The following BICRAL variants were observed in gnomAD, a reference collection of about 807,000 sequenced individuals.
The protein encoded by BICRAL is BICRA like chromatin remodeling complex associated protein, also known as BRD4-interacting chromatin-remodeling complex-associated protein-like.
Under a neutral mutation model 91.8 loss-of-function variants are expected in BICRAL, and 8 were observed. The observed-to-expected ratio is 0.09, with a 90% CI of 0.05 to 0.16. BICRAL has a LOEUF of 0.16. Ranked by LOEUF, BICRAL falls within the 10% of genes least tolerant of loss-of-function variation. The probability of loss-of-function intolerance (pLI) is 1.00; values close to 1 mark genes in which losing one functional copy is unlikely to be tolerated. For missense variants in BICRAL, 1,038 were observed against 1,310.9 expected (o/e 0.79, Z 3.21); for synonymous variants, 445 against 491.1 (o/e 0.91, Z 1.24).
chr6:42,865,081 C>G lies in BICRAL; in HGVS notation c.2875C>G (p.Leu959Val). The change falls in exon 13 of 13, where the codon CTA (leucine) becomes GTA (valine). Residue 959 changes from leucine (L) to valine (V), a missense_variant. Around this residue, in one of 5 missense-constraint regions of BICRAL, gnomAD observed 92 missense variants for 147.8 expected, o/e 0.62. Coordinates refer to ENST00000314073, the MANE Select transcript of BICRAL (RefSeq NM_001393499.1). ...HGTESKLSSI[L>V]ADSHLEMTCN... ...TACTGAGAGCAAACTGTCAAGCATC[C>G]TAGCAGATTCGCACTTGGAGATGAC... is the stretch of plus-strand genomic sequence containing the variant. 1 of 1,614,148 alleles carries G rather than the reference C, an allele frequency of 6.2e-7. No individual in the cohort carries two copies. Among genetic ancestry groups the G allele is most frequent in the South Asian group, 1.1e-5 (1 of 91,080 alleles).
At chr6:42,776,988 T>C (rs2113851436) in intron 1 of BICRAL, among the ~76,000 whole-genome samples, 1 of 152,308 alleles carries the variant, frequency 6.6e-6, no homozygotes, top group South Asian at 2.1e-4. Flanking sequence ...TGCAAAAGCA[T>C]TGATTGTGAG....
chr6:42,809,431 T>A (rs913103808), intron 1 of BICRAL, among the ~76,000 whole-genome samples: 4 of 90,938 alleles, frequency 4.4e-5, no homozygotes, highest in Non-Finnish European at 7.6e-5. Context: ...ACTATGAGAA[T>A]TTTTTTTTTT....
In BICRAL at chr6:42,844,458, G is replaced by A. The variant is rs547522022; in HGVS notation, c.1840-7634G>A. 2.7e-4 allele frequency among the ~76,000 whole-genome samples: 36 copies of A among 133,502 alleles called. No individual in the cohort carries two copies. In the South Asian group the frequency reaches 7.9e-3, roughly 29 times the overall value. 87.6% of individuals were successfully genotyped at this position (133,502 alleles called of 152,430 possible). ...CGGGAGGCGGAGCTTGCAGTGAGCC[G>A]AGATCGCGCCACTGCACTCCAGCGT... On this transcript the variant is annotated intron_variant, in intron 6 of 12. Transcript: ENST00000314073.
chr6:42,817,963 T>C (rs1764043115), intron 2 of BICRAL, among the ~76,000 whole-genome samples: 1 of 106,074 alleles, frequency 9.4e-6, no homozygotes, highest in Non-Finnish European at 1.8e-5. Flanking sequence ...AGAGACCCTA[T>C]CTCTAAAAAA....
At chr6:42,838,414 C>A (rs1195053282) in intron 6 of BICRAL, among the ~76,000 whole-genome samples, 1 of 152,120 alleles carries the variant, frequency 6.6e-6, no homozygotes, top group Non-Finnish European at 1.5e-5. Context: ...TGGTTTGTCC[C>A]ATTCGTGGTG....
chr6:42,834,906 T>G (rs1764595833), intron 6 of BICRAL, among the ~76,000 whole-genome samples: 1 of 152,148 alleles, frequency 6.6e-6, no homozygotes, highest in Non-Finnish European at 1.5e-5. Context: ...GAAACCAAGA[T>G]CTAAGCATTA....
At chr6:42,831,644 A>C (rs542758169) in intron 6 of BICRAL, among the ~76,000 whole-genome samples, 1 of 151,684 alleles carries the variant, frequency 6.6e-6, no homozygotes, top group Admixed American at 6.6e-5. Context: ...GCCATACCCT[A>C]CTTTCGACCC....
At chr6:42,782,269 C>G (rs2113859259) in intron 1 of BICRAL, among the ~76,000 whole-genome samples, 168 bp downstream of exon 1, 1 of 145,080 alleles carries the variant, frequency 6.9e-6, no homozygotes, top group Admixed American at 7.0e-5. Flanking sequence ...AATTAAACAC[C>G]GAGTTGCCAA....
intron 1 of BICRAL, among the ~76,000 whole-genome samples, chr6:42,754,777 G>T (rs1762436024): frequency 6.6e-6 from 1 of 152,164 alleles, no homozygotes; most frequent in South Asian, 2.1e-4. Flanking sequence ...TGCACCTATA[G>T]TTGCAGCTAT....
chr6:42,839,671 G>A (rs1041115968), intron 6 of BICRAL, among the ~76,000 whole-genome samples: 2 of 152,002 alleles, frequency 1.3e-5, no homozygotes, highest in African/African-American at 2.4e-5. Context: ...ATATCTCTAA[G>A]AGATCATGTA....
chr6:42,830,157 A>G lies in BICRAL; in HGVS notation c.1824A>G (p.Gln608=). The G allele has an allele frequency of 6.2e-7, 1 of 1,614,108 alleles. No individual in the cohort carries two copies. Among genetic ancestry groups the G allele is most frequent in the African/African-American group, 1.3e-5 (1 of 75,068 alleles). The part of the protein sequence containing the change: ...FSNTPGTGTQ[Q]QFFCQAQKKC... ...ACACACCTGGAACAGGAACCCAGCAACAATTCTTCTGCCAGGTAATGCCCT... is the reference window on the plus strand; with the variant it reads ...ACACACCTGGAACAGGAACCCAGCAGCAATTCTTCTGCCAGGTAATGCCCT... The change falls in exon 6 of 13, where the codon CAA becomes CAG. Residue 608 remains glutamine (Q), a synonymous_variant. Transcript: ENST00000314073.
chr6:42,844,667 A>G (rs912214558), intron 6 of BICRAL, among the ~76,000 whole-genome samples: 2 of 152,026 alleles, frequency 1.3e-5, no homozygotes, highest in African/African-American at 2.4e-5. Flanking sequence ...TTTCTGTGGA[A>G]TGGTAGGTGC....
At chr6:42,814,919 C>CT (rs571332670) in intron 2 of BICRAL, among the ~76,000 whole-genome samples, 174 of 147,136 alleles carry the variant, frequency 1.2e-3, no homozygotes, top group Non-Finnish European at 1.5e-3. Flanking sequence ...TTTTTTTTTT[C>CT]TTTTTTTTTG....
chr6:42,855,168 AAGTGTGTATCCCATACTTAC>A (rs1412428694), intron 8 of BICRAL, among the ~76,000 whole-genome samples: 1 of 152,170 alleles, frequency 6.6e-6, no homozygotes, highest in Non-Finnish European at 1.5e-5. Context: ...AGGAGCTTAA[AAGTGTGTATCCCATACTTAC>A]ACTGAGAAGA....
At chr6:42,819,687 G>A (rs1392078698) in intron 2 of BICRAL, among the ~76,000 whole-genome samples, 1 of 152,306 alleles carries the variant, frequency 6.6e-6, no homozygotes, top group East Asian at 1.9e-4. Flanking sequence ...CCTGGATTAG[G>A]CTATATTATG....
At chr6:42,776,716 C>T (rs1043763917) in intron 1 of BICRAL, among the ~76,000 whole-genome samples, 9 of 152,164 alleles carry the variant, frequency 5.9e-5, no homozygotes, top group Admixed American at 2.0e-4. Context: ...TAGGTTATTA[C>T]TATCTCCATT....
intron 5 of BICRAL, among the ~76,000 whole-genome samples, chr6:42,823,926 A>G (rs1213503941): frequency 6.6e-6 from 1 of 151,282 alleles, no homozygotes; most frequent in African/African-American, 2.4e-5. Context: ...TCCATCTCAA[A>G]CAATAAATAA....
At chr6:42,798,138 T>C (rs1332597852) in intron 1 of BICRAL, among the ~76,000 whole-genome samples, 1 of 151,348 alleles carries the variant, frequency 6.6e-6, no homozygotes. Flanking sequence ...AGCTAAACAA[T>C]GGTACGCATG....
intron 1 of BICRAL, among the ~76,000 whole-genome samples, chr6:42,786,518 T>G (rs970562577): frequency 1.3e-5 from 2 of 152,218 alleles, no homozygotes; most frequent in Non-Finnish European, 2.9e-5. Context: ...AACAGTAGCT[T>G]CTTTAACCTT....
Sources: gnomAD v4.1 joint callset for allele counts (sites outside exome capture counted in the v4.1 genomes callset) on GRCh38, gnomAD v4.1.1 for gene constraint, gnomAD v4.1.1 regional missense constraint, MANE v1.5 for transcripts, NCBI Gene and HGNC (gene_info 2026-07-23, HGNC 2026-07-21) for gene names.